The following FERMT1 variants were observed in gnomAD, a reference collection of about 807,000 sequenced individuals.
The protein encoded by FERMT1 is fermitin family homolog 1.
FERMT1 carries 60 observed loss-of-function variants against 85.3 expected under a neutral mutation model. The ratio of observed to expected loss-of-function variants is 0.70; its 90% CI spans 0.57 to 0.87. FERMT1 has a LOEUF of 0.87. Among genes scored for constraint, FERMT1 ranks in the 40% least tolerant of loss-of-function variants. The pLI, the probability that FERMT1 is intolerant of heterozygous loss-of-function variation, is 0.00. For synonymous variants in FERMT1, 275 were observed against 301.1 expected (o/e 0.91, Z 0.90); for missense variants, 701 against 818.9 (o/e 0.86, Z 1.76).
intron 6 of FERMT1, among the ~76,000 whole-genome samples, chr20:6,103,437 G>GTTTATAACT (rs1982714660): frequency 6.6e-6 from 1 of 152,114 alleles, no homozygotes; most frequent in Non-Finnish European, 1.5e-5. Flanking sequence ...TAAACACCTA[G>GTTTATAACT]GAGTGGATTT....
chr20:6,112,111 A>T (rs1389939866), intron 4 of FERMT1, among the ~76,000 whole-genome samples: 2 of 152,044 alleles, frequency 1.3e-5, no homozygotes, highest in Non-Finnish European at 2.9e-5. Flanking sequence ...TCTGAGCTCA[A>T]GTGATCCACC....
rs1982741697 is a variant in FERMT1 at position 6,104,269 on chromosome 20, C to T, written c.849+3263G>A. Among the ~76,000 whole-genome samples, 1 of 152,178 alleles carries T rather than the reference C, an allele frequency of 6.6e-6. No individual in the cohort carries two copies. On this transcript the variant is annotated intron_variant, in intron 6 of 14. Transcript: ENST00000217289. The surrounding 1 kb of genome is among the most constrained non-coding windows in gnomAD (Gnocchi z 4.2). Reference sequence around the variant, plus strand: ...GGACCTGTGGCCAGTATGAATCTCTCTGAAAGCCAGAGAAGCTCTCTAGTC... The same window carrying T: ...GGACCTGTGGCCAGTATGAATCTCTTTGAAAGCCAGAGAAGCTCTCTAGTC...
chr20:6,111,675 G>GC (rs35285646), intron 4 of FERMT1, among the ~76,000 whole-genome samples: 91,037 of 151,518 alleles, frequency 0.6, 27,756 homozygotes, highest in East Asian at 0.84. Context: ...AAGAAAGAAA[G>GC]CCTCAATCTT....
intron 13 of FERMT1, among the ~76,000 whole-genome samples, chr20:6,083,497 G>A (rs773006652): frequency 6.6e-6 from 1 of 151,928 alleles, no homozygotes; most frequent in African/African-American, 2.4e-5. Context: ...GCCACACCAC[G>A]AGACACTATG....
At chr20:6,090,355 G>A (rs959557909) in intron 9 of FERMT1, among the ~76,000 whole-genome samples, 10 of 152,146 alleles carry the variant, frequency 6.6e-5, no homozygotes, top group South Asian at 2.1e-4. Flanking sequence ...TTACAGGCAT[G>A]AGCCACCACG....
chr20:6,116,222 G>A (rs1204336688), intron 2 of FERMT1, among the ~76,000 whole-genome samples, 178 bp from the exon 3 acceptor site: 1 of 151,958 alleles, frequency 6.6e-6, no homozygotes, highest in Admixed American at 6.6e-5. Context: ...AAAGTCTCCA[G>A]GGAAAAAATA....
intron 6 of FERMT1, among the ~76,000 whole-genome samples, chr20:6,105,884 T>C (rs1982783293): frequency 6.6e-6 from 1 of 152,228 alleles, no homozygotes; most frequent in Admixed American, 6.5e-5. Context: ...TTTATGTATG[T>C]GTTATCTATT....
chr20:6,085,911 C>T (rs531897362), intron 11 of FERMT1, among the ~76,000 whole-genome samples: 32 of 151,508 alleles, frequency 2.1e-4, no homozygotes, highest in East Asian at 5.8e-4. Flanking sequence ...GAGGCCGAGG[C>T]GGGTGGATCA....
At chr20:6,088,697 C>A (rs1308051788) in intron 10 of FERMT1, among the ~76,000 whole-genome samples, 1 of 149,522 alleles carries the variant, frequency 6.7e-6, no homozygotes, top group Non-Finnish European at 1.5e-5. Context: ...GGCATCATCT[C>A]GGCTCACTGC....
At chr20:6,082,798 G>A (rs1982036163) in intron 13 of FERMT1, among the ~76,000 whole-genome samples, 1 of 152,170 alleles carries the variant, frequency 6.6e-6, no homozygotes, top group African/African-American at 2.4e-5. Context: ...TGGGACTACA[G>A]CTGCACACCA....
rs1232936845 is a variant in FERMT1 at position 6,096,911 on chromosome 20, G to A, written c.1080C>T (p.Asp360=). The change falls in exon 8 of 15, where the codon GAC becomes GAT. Residue 360 remains aspartate (D), a synonymous_variant. Transcript: ENST00000217289. ...CAGAAAAAGTTCATACCAAAAGGCT[G>A]TCCGCTTTTCCACCTTCTAGGGTTA... is the stretch of plus-strand genomic sequence containing the variant. The part of the protein sequence containing the change: ...LEVTLEGGKA[D]SLLEDITDIP... The A allele has an allele frequency of 3.1e-6, 5 of 1,610,226 alleles. No individual in the cohort carries two copies. In the African/African-American group the frequency reaches 5.4e-5, roughly 17 times the overall value.
At chr20:6,096,361 CA>C (rs1413556405) in intron 8 of FERMT1, among the ~76,000 whole-genome samples, 1 of 152,038 alleles carries the variant, frequency 6.6e-6, no homozygotes, top group Admixed American at 6.6e-5. Context: ...CTTGTCTCTA[CA>C]AAAAATACAA....
chr20:6,092,846 A>G (rs16991821), intron 9 of FERMT1, among the ~76,000 whole-genome samples: 11,756 of 152,024 alleles, frequency 0.077, 1,029 homozygotes, highest in East Asian at 0.47. Context: ...TCTATTCCCT[A>G]AATTCCTCTG....
chr20:6,107,067 G>A, intron 6 of FERMT1, among the ~76,000 whole-genome samples: 1 of 152,074 alleles, frequency 6.6e-6, no homozygotes, highest in Non-Finnish European at 1.5e-5. Flanking sequence ...ATGGTTGCAT[G>A]AGCCTGTAGT....
chr20:6,097,790 C>CT lies in FERMT1; in HGVS notation c.850-160dup, dbSNP rs5840120. Among the ~76,000 whole-genome samples the CT allele has an allele frequency of 0.19, 28,037 of 150,658 alleles. 3,030 individuals are homozygous for CT. The highest frequency in any genetic ancestry group is 0.47 in the East Asian group (2,383 of 5,112). On this transcript the variant is annotated intron_variant, in intron 6 of 14. Coordinates refer to ENST00000217289, the MANE Select transcript of FERMT1 (RefSeq NM_017671.5). ...CTTCTATTGTGCCATATACTCAGCA[C>CT]TTTTTTTTTAAAGTTTTTTTTTTTT...
chr20:6,077,364 A>T lies in FERMT1; in HGVS notation c.1861-18T>A, dbSNP rs1215530668. ...ATGACCACCTGGAAGAGGAAGGCAC[A>T]GAGAAGCTTAAACTCTGACAAGGAA... On this transcript the variant is annotated intron_variant, in intron 14 of 14. Coordinates refer to ENST00000217289, the MANE Select transcript of FERMT1 (RefSeq NM_017671.5). 6.2e-7 allele frequency: 1 copy of T among 1,613,868 alleles called. No homozygotes were observed.
chr20:6,078,597 C>G (rs1426028834), intron 14 of FERMT1, among the ~76,000 whole-genome samples: 5 of 151,534 alleles, frequency 3.3e-5, no homozygotes. Flanking sequence ...GTAGCTGAAA[C>G]TACAGGTGCA....
At chr20:6,114,480 A>C (rs6053913) in intron 3 of FERMT1, among the ~76,000 whole-genome samples, 21,714 of 152,218 alleles carry the variant, frequency 0.14, 2,089 homozygotes, top group African/African-American at 0.28. Context: ...CATTTTTGGT[A>C]TCAGCTGTGA....
At chr20:6,091,387 G>A (rs1227259782) in intron 9 of FERMT1, among the ~76,000 whole-genome samples, 1 of 150,798 alleles carries the variant, frequency 6.6e-6, no homozygotes, top group African/African-American at 2.4e-5. Context: ...GTGCCACCAC[G>A]GCCGGCTAAT....
Sources: allele counts gnomAD v4.1 joint callset (sites outside exome capture counted in the v4.1 genomes callset), GRCh38; gene constraint gnomAD v4.1.1; non-coding constraint Gnocchi (gnomAD v3.1); transcripts MANE v1.5; gene names NCBI Gene and HGNC (gene_info 2026-07-23, HGNC 2026-07-21).